Variants in ARFGEF1 observed in about 807,000 individuals in gnomAD.
ARFGEF1 encodes brefeldin A-inhibited guanine nucleotide-exchange protein 1.
In ARFGEF1, 42 loss-of-function variants were observed where a neutral mutation model predicts 231.0. The observed-to-expected ratio is 0.18, with a 90% CI of 0.14 to 0.24. The LOEUF is 0.24. Ranked by LOEUF, ARFGEF1 falls within the 10% of genes least tolerant of loss-of-function variation. The pLI, the probability that ARFGEF1 is intolerant of heterozygous loss-of-function variation, is 1.00. For synonymous variants in ARFGEF1, 710 were observed against 732.3 expected (o/e 0.97, Z 0.49); for missense variants, 1,345 against 2,192.0 (o/e 0.61, Z 7.72).
intron 7 of ARFGEF1, among the ~76,000 whole-genome samples, chr8:67,284,578 T>C (rs1805671641): frequency 6.6e-6 from 1 of 152,224 alleles, no homozygotes. Flanking sequence ...TCTTGAACTT[T>C]ATAAGTTTGC....
At chr8:67,214,161 C>T (rs1838844806) in intron 33 of ARFGEF1, among the ~76,000 whole-genome samples, 1 of 152,118 alleles carries the variant, frequency 6.6e-6, no homozygotes, top group Non-Finnish European at 1.5e-5. Flanking sequence ...AAAGCATCTA[C>T]CATCTTAGAG....
intron 22 of ARFGEF1, among the ~76,000 whole-genome samples, chr8:67,236,120 C>T (rs1397896475): frequency 6.6e-6 from 1 of 150,432 alleles, no homozygotes; most frequent in South Asian, 2.1e-4. Context: ...CATGGTGAAA[C>T]CCTGTCTCTA....
rs913026538 is a variant in ARFGEF1 at position 67,198,895 on chromosome 8, C to G, written c.*39G>C. 3 of 1,607,132 alleles carry G rather than the reference C, an allele frequency of 1.9e-6. No individual in the cohort carries two copies. The highest frequency in any genetic ancestry group is 2.7e-5 in the African/African-American group (2 of 74,282). On this transcript the variant is annotated 3_prime_UTR_variant, in exon 39 of 39. Coordinates refer to ENST00000262215, the MANE Select transcript of ARFGEF1 (RefSeq NM_006421.5). The stretch of plus-strand genomic sequence containing the variant: ...TCAGCTCCAGCGTCCTTTTAAAGAG[C>G]AGAGGGATGTAAATGCCAACAAAAA...
intron 33 of ARFGEF1, among the ~76,000 whole-genome samples, chr8:67,213,694 T>C (rs1234675918): frequency 6.6e-6 from 1 of 152,218 alleles, no homozygotes; most frequent in Non-Finnish European, 1.5e-5. Flanking sequence ...TTTAAGGAAA[T>C]TATCTTCAAT....
In ARFGEF1 at chr8:67,216,436, T is replaced by TA. The variant is rs111756530; in HGVS notation, c.4686+153dup. On this transcript the variant is annotated intron_variant, in intron 33 of 38. Coordinates refer to ENST00000262215, the MANE Select transcript of ARFGEF1 (RefSeq NM_006421.5). ...ATACAATTCCCAGCCTTCGTAATTG[T>TA]AAAAAAAAAATGTCTATTTATAAGT... 4.8e-3 allele frequency among the ~76,000 whole-genome samples: 715 copies of TA among 149,262 alleles called. 9 individuals are homozygous for TA. Among genetic ancestry groups the TA allele is most frequent in the African/African-American group, 0.016 (646 of 40,830 alleles).
In ARFGEF1 at chr8:67,312,666, TCTC is replaced by T. The variant is rs757350413; in HGVS notation, c.125-10203_125-10201del. Among the ~76,000 whole-genome samples the T allele has an allele frequency of 9.2e-4, 140 of 152,308 alleles. 1 individual carries two copies. Among genetic ancestry groups the T allele is most frequent in the South Asian group, 1.5e-3 (7 of 4,822 alleles). Reference sequence around the variant, plus strand: ...AAAATATGGAAACATATAACACTATTCTCCTCGAGTTTTAAAAATTGTTACACA... The same window carrying T: ...AAAATATGGAAACATATAACACTATTCTCGAGTTTTAAAAATTGTTACACA... On this transcript the variant is annotated intron_variant, in intron 1 of 38. Coordinates refer to ENST00000262215, the MANE Select transcript of ARFGEF1 (RefSeq NM_006421.5).
intron 1 of ARFGEF1, among the ~76,000 whole-genome samples, chr8:67,314,235 G>C (rs1436907108): frequency 2.0e-5 from 3 of 152,194 alleles, no homozygotes; most frequent in Non-Finnish European, 4.4e-5. Flanking sequence ...TTCCCTAACT[G>C]TGAAGTCTAC....
At chr8:67,213,591 G>A (rs967246720) in intron 33 of ARFGEF1, among the ~76,000 whole-genome samples, 7 of 152,196 alleles carry the variant, frequency 4.6e-5, no homozygotes, top group Non-Finnish European at 7.3e-5. Context: ...TACTTAAGTC[G>A]AAGGAGTAAC....
In ARFGEF1 at chr8:67,301,329, T is replaced by C. The variant is rs150930840; in HGVS notation, c.207A>G (p.Lys69=). 1.5e-4 allele frequency: 247 copies of C among 1,614,106 alleles called. No homozygotes were observed. In the African/African-American group the frequency reaches 3.0e-3, roughly 20 times the overall value. ...CTGCTTCAATAAAATTTGTCTTTGA[T>C]TTCACTGGTGGAAGGGTGCTTGATC... The part of the protein sequence containing the change: ...KAGSSTLPPV[K]SKTNFIEADK... Residue 69 remains lysine (K), a synonymous_variant, in exon 3 of 39, where the codon AAA becomes AAG. Transcript: ENST00000262215.
intron 7 of ARFGEF1, among the ~76,000 whole-genome samples, chr8:67,283,168 A>T (rs1363604346): frequency 6.6e-6 from 1 of 152,188 alleles, no homozygotes; most frequent in Non-Finnish European, 1.5e-5. Context: ...AATAAATACC[A>T]TCATTACAGT....
At chr8:67,277,222 T>G in intron 8 of ARFGEF1, 60 bp downstream of exon 8, 1 of 1,527,078 alleles carries the variant, frequency 6.5e-7, no homozygotes, top group Admixed American at 1.8e-5. Flanking sequence ...AAGGTGGTGG[T>G]AGCCTATAAA....
intron 4 of ARFGEF1, 32 bp downstream of exon 4, chr8:67,299,177 T>C (rs1274085043): frequency 2.7e-5 from 40 of 1,491,208 alleles, no homozygotes; most frequent in Non-Finnish European, 3.5e-5. Flanking sequence ...ATACAGATTA[T>C]TAATAACAAT....
intron 10 of ARFGEF1, among the ~76,000 whole-genome samples, chr8:67,271,045 G>GAAAAAAAAAAAAAA (rs1563878469): frequency 3.4e-4 from 24 of 69,566 alleles, no homozygotes; most frequent in Middle Eastern, 6.6e-3. Flanking sequence ...AAAAAAAAAG[G>GAAAAAAAAAAAAAA]AAAAAGAAAA....
intron 15 of ARFGEF1, 57 bp downstream of exon 15, chr8:67,259,758 G>GA (rs568325053): frequency 8.6e-4 from 1,116 of 1,301,806 alleles, no homozygotes; most frequent in Middle Eastern, 1.2e-3. Flanking sequence ...CTAATAAAAA[G>GA]AAAAAAAAAT....
At chr8:67,180,776 T>C (rs879623833) in intron 5 of ARFGEF1, among the ~76,000 whole-genome samples, 6 of 152,184 alleles carry the variant, frequency 3.9e-5, no homozygotes, top group African/African-American at 1.4e-4. Context: ...CTATTTATAG[T>C]TCTCTTAATA....
At chr8:67,303,021 A>G (rs935086982) in intron 1 of ARFGEF1, among the ~76,000 whole-genome samples, 1 of 152,048 alleles carries the variant, frequency 6.6e-6, no homozygotes, top group African/African-American at 2.4e-5. Flanking sequence ...CTTGAGCCCA[A>G]GAGTTAAAGG....
intron 3 of ARFGEF1, among the ~76,000 whole-genome samples, chr8:67,299,976 C>CA (rs374924257): frequency 5.4e-5 from 8 of 147,932 alleles, no homozygotes; most frequent in Non-Finnish European, 1.1e-4. Flanking sequence ...CAAAAAAAAA[C>CA]AAAAAAAAAA....
chr8:67,272,539 A>T (rs990070765), intron 9 of ARFGEF1, among the ~76,000 whole-genome samples: 2 of 152,182 alleles, frequency 1.3e-5, no homozygotes, highest in Non-Finnish European at 2.9e-5. Flanking sequence ...GGAAAAGAAA[A>T]AAATAGTGTG....
chr8:67,197,372 A>G (rs1366669325), downstream of ARFGEF1, among the ~76,000 whole-genome samples: 1 of 152,112 alleles, frequency 6.6e-6, no homozygotes, highest in Non-Finnish European at 1.5e-5. Context: ...GAGAATCGTG[A>G]GCCCAGTTTG....
Sources: gnomAD v4.1 joint callset for allele counts (sites outside exome capture counted in the v4.1 genomes callset) on GRCh38, gnomAD v4.1.1 for gene constraint, MANE v1.5 for transcripts, NCBI Gene and HGNC (gene_info 2026-07-23, HGNC 2026-07-21) for gene names.